Variants in KIF17 observed in about 807,000 individuals in gnomAD.
The protein encoded by KIF17 is kinesin-like protein KIF17.
Under a neutral mutation model 96.8 loss-of-function variants are expected in KIF17, and 80 were observed. The observed-to-expected ratio is 0.83, with a 90% CI of 0.69 to 1.00. The LOEUF is 1.00. KIF17 is among the 50% of genes least tolerant of loss of function. KIF17 has a pLI of 0.00. For missense variants in KIF17, 1,280 were observed against 1,372.9 expected (o/e 0.93, Z 1.07); for synonymous variants, 567 against 587.5 (o/e 0.97, Z 0.51).
chr1:20,665,332 A>G (rs1156601246), intron 14 of KIF17, among the ~76,000 whole-genome samples: 4 of 144,114 alleles, frequency 2.8e-5, no homozygotes, highest in African/African-American at 7.8e-5. Flanking sequence ...AGTTCAAGCA[A>G]TTCTCATGCC....
intron 4 of KIF17, among the ~76,000 whole-genome samples, chr1:20,707,187 C>T (rs746128025): frequency 2.6e-5 from 4 of 152,216 alleles, no homozygotes; most frequent in Admixed American, 6.5e-5. Context: ...GTTATCTTTG[C>T]TCCAGGACTC....
Position 20,699,346 on chromosome 1 carries a change from CAGG to C in KIF17, c.1124-861_1124-859del, listed in dbSNP as rs1210714559. ...CCTAGGCGGGTGGATCACTTGAGGTCAGGAGTTCAAGAAAAGCCCAGCCAACAG... is the reference window on the plus strand; with the variant it reads ...CCTAGGCGGGTGGATCACTTGAGGTCAGTTCAAGAAAAGCCCAGCCAACAG... On this transcript the variant is annotated intron_variant, in intron 5 of 14. Coordinates refer to ENST00000400463, the MANE Select transcript of KIF17 (RefSeq NM_001122819.3). This position sits in a 1 kb window ranked among gnomAD's most constrained non-coding sequence, Gnocchi z 4.3. Among the ~76,000 whole-genome samples the C allele has an allele frequency of 2.0e-5, 3 of 152,068 alleles. No individual in the cohort carries two copies. The highest frequency in any genetic ancestry group is 7.2e-5 in the African/African-American group (3 of 41,402).
intron 3 of KIF17, among the ~76,000 whole-genome samples, chr1:20,712,872 T>TTATCTATATATAATATAGATAA (rs1557607113): frequency 2.8e-5 from 2 of 72,084 alleles, no homozygotes; most frequent in African/African-American, 1.2e-4. Context: ...ATTATAGATA[T>TTATCTATATATAATATAGATAA]TATCTATATA....
chr1:20,707,336 G>A (rs796807712), intron 4 of KIF17, among the ~76,000 whole-genome samples: 8 of 152,316 alleles, frequency 5.3e-5, no homozygotes, highest in African/African-American at 1.9e-4. Context: ...AATGGCATGA[G>A]CCAGGCCACC....
intron 6 of KIF17, among the ~76,000 whole-genome samples, chr1:20,697,236 G>A (rs1409789657): frequency 2.6e-5 from 4 of 152,184 alleles, no homozygotes; most frequent in African/African-American, 4.8e-5. Context: ...GTCCAGCAGC[G>A]GATACATCCA....
chr1:20,697,582 G>C (rs2054164173), intron 6 of KIF17, among the ~76,000 whole-genome samples: 1 of 152,316 alleles, frequency 6.6e-6, no homozygotes, highest in South Asian at 2.1e-4. Flanking sequence ...ACTCCAGCCT[G>C]GGTGACAACA....
chr1:20,685,064 C>A lies in KIF17; in HGVS notation c.2020-44G>T. ...CCAGGTGGAGGTGGGAAGGCCGCCC[C>A]AACCCCCGCCGACAGCTCCCAGGTG... On this transcript the variant is annotated intron_variant, in intron 9 of 14. Transcript: ENST00000400463. The surrounding 1 kb of genome is among the most constrained non-coding windows in gnomAD (Gnocchi z 4.1). 1 of 1,491,900 alleles carries A rather than the reference C, an allele frequency of 6.7e-7. No homozygotes were observed. 92.4% of individuals were successfully genotyped at this position (1,491,900 alleles called of 1,614,324 possible). A position where few individuals can be genotyped will look rare whatever the true frequency, so the allele number is the denominator to read the frequency against.
At position 20,717,606 on chromosome 1, in the gene KIF17, C is replaced by T. The variant is rs1166754399; in HGVS notation, c.101G>A (p.Arg34His). ...CGGGTTCTGGATGCAGCACTGGGCG[C>T]GCGCGCAGTCCACAGTCACCACGGG... ...CQPVVTVDCARAQCCIQNPGA... is the reference protein window; with the variant it reads ...CQPVVTVDCAHAQCCIQNPGA... The change falls in exon 1 of 15, where the codon CGC becomes CAC. Residue 34 changes from arginine (R) to histidine (H), a missense_variant. Coordinates refer to ENST00000400463, the MANE Select transcript of KIF17 (RefSeq NM_001122819.3). 2 of 1,610,598 alleles carry T rather than the reference C, an allele frequency of 1.2e-6. No individual in the cohort carries two copies. Among genetic ancestry groups the T allele is most frequent in the Non-Finnish European group, 1.7e-6 (2 of 1,179,474 alleles).
Position 20,700,423 on chromosome 1 carries a change from A to G in KIF17, c.1124-1935T>C, listed in dbSNP as rs1274125478. The stretch of plus-strand genomic sequence containing the variant: ...ATGGCAGGATCTGCTGACCAACTGG[A>G]TGTAGATTTGAGAGAACGTGAGAAG... On this transcript the variant is annotated intron_variant, in intron 5 of 14. Transcript: ENST00000400463. The surrounding 1 kb of genome is among the most constrained non-coding windows in gnomAD (Gnocchi z 4.6). Among the ~76,000 whole-genome samples, 1 of 152,070 alleles carries G rather than the reference A, an allele frequency of 6.6e-6. No homozygotes were observed. The highest frequency in any genetic ancestry group is 1.5e-5 in the Non-Finnish European group (1 of 68,006).
In KIF17 at chr1:20,704,659, G is replaced by C. The variant is rs144287595; in HGVS notation, c.911C>G (p.Thr304Ser). The C allele has an allele frequency of 7.9e-5, 128 of 1,614,188 alleles. No individual in the cohort carries two copies. The African/African-American group carries it at 1.3e-3, about 16-fold the overall frequency. The change falls in exon 5 of 15, where the codon ACC becomes AGC. Residue 304 changes from threonine to serine, a missense_variant. Coordinates refer to ENST00000400463, the MANE Select transcript of KIF17 (RefSeq NM_001122819.3). This position sits in a 1 kb window ranked among gnomAD's most constrained non-coding sequence, Gnocchi z 6.8. Reference sequence around the variant, plus strand: ...CAGGCAGGCCACCATGAGCGTCTTGGTGTTGCCGCCCAGTGAGTCCTGCAG... The same window carrying C: ...CAGGCAGGCCACCATGAGCGTCTTGCTGTTGCCGCCCAGTGAGTCCTGCAG... ...RLLQDSLGGN[T>S]KTLMVACLSP...
intron 11 of KIF17, among the ~76,000 whole-genome samples, chr1:20,673,722 G>T (rs1395287085): frequency 1.3e-5 from 2 of 151,610 alleles, no homozygotes; most frequent in Admixed American, 1.3e-4. Flanking sequence ...GCAGAGACGG[G>T]GTTTCACCAT....
intron 5 of KIF17, among the ~76,000 whole-genome samples, chr1:20,703,170 G>GATGGATGGATGGATGA (rs543397456): frequency 9.0e-5 from 13 of 145,082 alleles, no homozygotes; most frequent in African/African-American, 2.6e-4. Flanking sequence ...GATGGAGATG[G>GATGGATGGATGGATGA]ATGGATGAAT....
At chr1:20,671,787 A>G (rs922328129) in intron 12 of KIF17, 151 bp downstream of exon 12, 4 of 948,464 alleles carry the variant, frequency 4.2e-6, no homozygotes, top group Non-Finnish European at 6.4e-6. Context: ...AGAACACACC[A>G]CTTTCTCAGA....
At chr1:20,714,144 G>A (rs900138120) in intron 2 of KIF17, among the ~76,000 whole-genome samples, 1 of 152,120 alleles carries the variant, frequency 6.6e-6, no homozygotes, top group Non-Finnish European at 1.5e-5. Context: ...TGGCTAACAC[G>A]GTGAAACCCT....
chr1:20,682,787 G>A lies in KIF17; in HGVS notation c.2329C>T (p.Arg777Cys), dbSNP rs151177164. The A allele has an allele frequency of 4.3e-6, 7 of 1,612,654 alleles. No individual in the cohort carries two copies. The highest frequency in any genetic ancestry group is 1.7e-5 in the Admixed American group (1 of 60,012). ...AGGGCAGCCACCAGCTGCTTCCTGC[G>A]CTCGTCTGCGTAGCGCTTGCGCCGC... is the stretch of plus-strand genomic sequence containing the variant. ...HKRRKRYADE[R>C]RKQLVAALQN... Residue 777 changes from arginine to cysteine, a missense_variant, in exon 11 of 15, where the codon CGC becomes TGC. Transcript: ENST00000400463.
intron 7 of KIF17, among the ~76,000 whole-genome samples, chr1:20,689,648 C>T (rs2054004003): frequency 2.2e-5 from 3 of 138,986 alleles, no homozygotes; most frequent in African/African-American, 8.6e-5. Flanking sequence ...AAGACTCCAT[C>T]TCAAAACAAA....
Position 20,692,077 on chromosome 1 carries a change from C to T in KIF17, c.1234-1742G>A, listed in dbSNP as rs2054049322. Among the ~76,000 whole-genome samples the T allele has an allele frequency of 2.0e-5, 3 of 152,194 alleles. No homozygotes were observed. The South Asian group carries it at 6.2e-4, about 32-fold the overall frequency. ...CCTGCTTAGGATCTGCTAATGGTAT[C>T]CCATGTTCATGGATGAAATCTAAGC... On this transcript the variant is annotated intron_variant, in intron 6 of 14. Transcript: ENST00000400463.
chr1:20,703,178 A>AATGGATGG (rs1553151971), intron 5 of KIF17, among the ~76,000 whole-genome samples: 32 of 135,894 alleles, frequency 2.4e-4, no homozygotes, highest in South Asian at 4.7e-4. Flanking sequence ...TGGATGGATG[A>AATGGATGG]ATGGATGGAC....
chr1:20,676,773 G>GT (rs1375349467), intron 11 of KIF17, among the ~76,000 whole-genome samples: 1 of 152,134 alleles, frequency 6.6e-6, no homozygotes, highest in African/African-American at 2.4e-5. Context: ...GAAGGTTGCA[G>GT]TGAGTCGAGA....
Sources: gnomAD v4.1 joint callset for allele counts (sites outside exome capture counted in the v4.1 genomes callset) on GRCh38, gnomAD v4.1.1 for gene constraint, Gnocchi (gnomAD v3.1) non-coding constraint, MANE v1.5 for transcripts, NCBI Gene and HGNC (gene_info 2026-07-23, HGNC 2026-07-21) for gene names.